The following SLCO3A1 variants were observed in gnomAD, a reference collection of about 807,000 sequenced individuals.
SLCO3A1 encodes the protein PGE1 transporter.
A neutral mutation model predicts 63.1 loss-of-function variants in SLCO3A1; 27 were observed. The ratio of observed to expected loss-of-function variants is 0.43; its 90% confidence interval spans 0.32 to 0.59. The LOEUF is 0.59. SLCO3A1 is among the 20% of genes least tolerant of loss of function. The probability of loss-of-function intolerance (pLI) is 0.09; values close to 1 mark genes in which losing one functional copy is unlikely to be tolerated. For missense variants in SLCO3A1, 773 were observed against 945.8 expected (o/e 0.82, Z 2.40); for synonymous variants, 473 against 409.9 (o/e 1.15, Z -1.86).
intron 2 of SLCO3A1, among the ~76,000 whole-genome samples, chr15:91,982,601 C>G (rs2046001467): frequency 1.3e-5 from 2 of 152,238 alleles, no homozygotes; most frequent in African/African-American, 4.8e-5. Context: ...GTTCTGTGCC[C>G]TTGCCACGGG....
intron 5 of SLCO3A1, among the ~76,000 whole-genome samples, chr15:92,124,517 T>C (rs569363849): frequency 6.6e-6 from 1 of 152,114 alleles, no homozygotes; most frequent in Non-Finnish European, 1.5e-5. Context: ...GTTCCTTAGC[T>C]CATTCATTCT....
chr15:92,119,229 T>C (rs919471805), intron 4 of SLCO3A1, among the ~76,000 whole-genome samples: 1 of 152,192 alleles, frequency 6.6e-6, no homozygotes, highest in African/African-American at 2.4e-5. Flanking sequence ...AATGTGCTTG[T>C]TTTCAAAGGA....
intron 2 of SLCO3A1, among the ~76,000 whole-genome samples, chr15:91,923,050 C>T (rs1316536617): frequency 1.3e-5 from 2 of 151,838 alleles, no homozygotes; most frequent in Non-Finnish European, 2.9e-5. Context: ...GCTCTGGAGC[C>T]CAACAGTCTT....
intron 9 of SLCO3A1, among the ~76,000 whole-genome samples, chr15:92,153,128 G>C (rs533736928): frequency 1.3e-5 from 2 of 151,956 alleles, no homozygotes; most frequent in African/African-American, 2.4e-5. Flanking sequence ...AATCAACCAG[G>C]TATTACCTAG....
rs1897094965 is a variant in SLCO3A1, at chr15:91,863,459, C to T, written c.180+9371C>T. Among the ~76,000 whole-genome samples, 1 of 152,248 alleles carries T rather than the reference C, an allele frequency of 6.6e-6. No homozygotes were observed. Among genetic ancestry groups the T allele is most frequent in the Non-Finnish European group, 1.5e-5 (1 of 68,052 alleles). ...CACTGCCGGTTGTGACAGACACCAT[C>T]CTTTGGCCGTTTCATTTCTCAGAGT... On this transcript the variant is annotated intron_variant, in intron 1 of 9. Transcript: ENST00000318445. This position sits in a 1 kb window ranked among gnomAD's most constrained non-coding sequence, Gnocchi z 4.3.
chr15:92,052,275 C>T (rs2046967399), intron 2 of SLCO3A1, among the ~76,000 whole-genome samples: 1 of 152,150 alleles, frequency 6.6e-6, no homozygotes, highest in Non-Finnish European at 1.5e-5. Flanking sequence ...TTCTCTCTCT[C>T]CACTTTGAGC....
chr15:92,009,827 C>T (rs563538628), intron 2 of SLCO3A1, among the ~76,000 whole-genome samples: 39 of 152,306 alleles, frequency 2.6e-4, no homozygotes, highest in African/African-American at 9.4e-4. Context: ...ATGTTTCTTT[C>T]CTGAAGTCCT....
intron 2 of SLCO3A1, among the ~76,000 whole-genome samples, chr15:92,058,143 C>T (rs1597269294): frequency 6.6e-6 from 1 of 151,764 alleles, no homozygotes; most frequent in Non-Finnish European, 1.5e-5. Flanking sequence ...CGCTAGGTTC[C>T]TGTATAAGCG....
intron 2 of SLCO3A1, among the ~76,000 whole-genome samples, chr15:91,992,912 G>T (rs1019573216): frequency 3.3e-5 from 5 of 152,136 alleles, no homozygotes; most frequent in African/African-American, 1.2e-4. Flanking sequence ...GAACTCTCTG[G>T]CATGGATCTG....
At chr15:92,167,529 C>G (rs1409700650), downstream of SLCO3A1, among the ~76,000 whole-genome samples, 1 of 152,226 alleles carries the variant, frequency 6.6e-6, no homozygotes, top group African/African-American at 2.4e-5. Flanking sequence ...CAAACTGCTA[C>G]TCTCACAACA....
chr15:92,146,594 A>G (rs1334337092), intron 7 of SLCO3A1, among the ~76,000 whole-genome samples: 1 of 152,170 alleles, frequency 6.6e-6, no homozygotes, highest in Non-Finnish European at 1.5e-5. Flanking sequence ...ACTTCAGTGT[A>G]ATTATAACTG....
At chr15:92,039,959 C>G (rs2046777580) in intron 2 of SLCO3A1, among the ~76,000 whole-genome samples, 1 of 152,128 alleles carries the variant, frequency 6.6e-6, no homozygotes, top group African/African-American at 2.4e-5. Context: ...CAACATAACA[C>G]AGGAACAGGA....
At chr15:92,072,778 A>G (rs8033260) in intron 2 of SLCO3A1, among the ~76,000 whole-genome samples, 4,275 of 152,164 alleles carry the variant, frequency 0.028, 197 homozygotes, top group African/African-American at 0.098. Flanking sequence ...TGTGTCTATT[A>G]TAAGGACACT....
chr15:91,953,563 G>T (rs1375637526), intron 2 of SLCO3A1, among the ~76,000 whole-genome samples: 1 of 152,174 alleles, frequency 6.6e-6, no homozygotes, highest in East Asian at 1.9e-4. Context: ...TCATGTTGGG[G>T]CCTGCACTCA....
intron 2 of SLCO3A1, among the ~76,000 whole-genome samples, chr15:91,970,509 C>T (rs17644101): frequency 0.19 from 29,558 of 152,028 alleles, 3,287 homozygotes; most frequent in East Asian, 0.37. Context: ...GGTCTGTGAG[C>T]GTTTGCTGAG....
chr15:91,897,928 C>T lies in SLCO3A1; in HGVS notation c.181-18065C>T, dbSNP rs1363306318. Among the ~76,000 whole-genome samples, 4 of 152,238 alleles carry T rather than the reference C, an allele frequency of 2.6e-5. No homozygotes were observed. The highest frequency in any genetic ancestry group is 4.4e-5 in the Non-Finnish European group (3 of 68,050). On this transcript the variant is annotated intron_variant, in intron 1 of 9. Transcript: ENST00000318445. The surrounding 1 kb of genome is among the most constrained non-coding windows in gnomAD (Gnocchi z 4.7). ...TTGAGAACAAGAAGGAATCGCTGCT[C>T]TACACACACGGGGTTTTTAAATTAG...
rs772060770 is a variant in SLCO3A1 at position 91,912,400 on chromosome 15, G to T, written c.181-3593G>T. On this transcript the variant is annotated intron_variant, in intron 1 of 9. Transcript: ENST00000318445. The surrounding 1 kb of genome is among the most constrained non-coding windows in gnomAD (Gnocchi z 5.0). ...GAAGGCCACAGGTCAAGGAGGGAAAGACCGTACTACTTCCTGTCACCCCTG... is the reference window on the plus strand; with the variant it reads ...GAAGGCCACAGGTCAAGGAGGGAAATACCGTACTACTTCCTGTCACCCCTG... 2.0e-5 allele frequency among the ~76,000 whole-genome samples: 3 copies of T among 152,218 alleles called. No individual in the cohort carries two copies. The highest frequency in any genetic ancestry group is 7.2e-5 in the African/African-American group (3 of 41,458).
At chr15:92,102,666 G>A (rs999232807) in intron 3 of SLCO3A1, among the ~76,000 whole-genome samples, 3 of 152,166 alleles carry the variant, frequency 2.0e-5, no homozygotes, top group Non-Finnish European at 4.4e-5. Context: ...CTATTGTTGC[G>A]CTGGGTGTAT....
rs1900121289 is a variant in SLCO3A1 at position 91,954,976 on chromosome 15, G to A, written c.646+38518G>A. Among the ~76,000 whole-genome samples, 1 of 152,132 alleles carries A rather than the reference G, an allele frequency of 6.6e-6. No homozygotes were observed. Among genetic ancestry groups the A allele is most frequent in the Admixed American group, 6.5e-5 (1 of 15,286 alleles). On this transcript the variant is annotated intron_variant, in intron 2 of 9. Coordinates refer to ENST00000318445, the MANE Select transcript of SLCO3A1 (RefSeq NM_013272.4). This position sits in a 1 kb window ranked among gnomAD's most constrained non-coding sequence, Gnocchi z 4.7. ...TCTTGGCCTTGGGCTCTGATCAGAT[G>A]CTCAGTTGTCTCCCTTCTCTGCTTC...
Sources: allele counts gnomAD v4.1 joint callset (sites outside exome capture counted in the v4.1 genomes callset), GRCh38; gene constraint gnomAD v4.1.1; non-coding constraint Gnocchi (gnomAD v3.1); transcripts MANE v1.5; gene names NCBI Gene and HGNC (gene_info 2026-07-23, HGNC 2026-07-21).